FRRS1L: variants seen among roughly 807,000 people sequenced by gnomAD.
FRRS1L encodes DOMON domain-containing protein FRRS1L.
FRRS1L carries 22 observed loss-of-function variants against 28.6 expected under a neutral mutation model. The observed-to-expected ratio is 0.77, with a 90% CI of 0.55 to 1.10. FRRS1L has a LOEUF of 1.10. Among genes scored for constraint, FRRS1L ranks in the 50% least tolerant of loss-of-function variants. The probability of loss-of-function intolerance (pLI) is 0.00; values close to 1 mark genes in which losing one functional copy is unlikely to be tolerated. For missense variants in FRRS1L, 380 were observed against 386.9 expected (o/e 0.98, Z 0.15); for synonymous variants, 158 against 151.4 (o/e 1.04, Z -0.32).
chr9:109,140,067 A>G lies in FRRS1L; in HGVS notation c.709+1276T>C, dbSNP rs146505219. 61 of 152,372 alleles carry G rather than the reference A, an allele frequency of 4.0e-4. 1 individual carries two copies. The highest frequency in any genetic ancestry group is 1.4e-3 in the African/African-American group (58 of 41,582). The allele number at this position is 152,372 out of a possible 1,614,324, so 9.4% of individuals were successfully genotyped here. A position where few individuals can be genotyped will look rare whatever the true frequency, so the allele number is the denominator to read the frequency against. On this transcript the variant is annotated intron_variant, in intron 4 of 4. Coordinates refer to ENST00000561981, the MANE Select transcript of FRRS1L (RefSeq NM_014334.4). ...AGCAGTCTCTAAAAGGTCTCATGAT[A>G]TCCTTGGGTCTTTGCTGGGCAAATG...
Position 109,161,749 on chromosome 9 carries a change from C to A in FRRS1L, c.238+5152G>T, listed in dbSNP as rs1423138269. Among the ~76,000 whole-genome samples, 13 of 152,244 alleles carry A rather than the reference C, an allele frequency of 8.5e-5. No individual in the cohort carries two copies. In the East Asian group the frequency reaches 2.3e-3, roughly 27 times the overall value. On this transcript the variant is annotated intron_variant, in intron 1 of 4. Coordinates refer to ENST00000561981, the MANE Select transcript of FRRS1L (RefSeq NM_014334.4). ...TAGCTATTAATTTAGTACTTGATTC[C>A]TTGAAGTTTAAGTTTTAATTGTCTG...
Position 109,167,234 on chromosome 9 carries a change from G to C in FRRS1L, c.-96C>G, listed in dbSNP as rs542485399. The C allele has an allele frequency of 7.3e-6, 10 of 1,375,262 alleles. No homozygotes were observed. In the East Asian group the frequency reaches 2.6e-4, roughly 35 times the overall value. The allele number at this position is 1,375,262 out of a possible 1,614,324, so 85.2% of individuals were successfully genotyped here. ...GAGCCTCCGCCGAGGCCACCAGCAC[G>C]CGCCCGCGCAGCCGCGGAGCCTCCC... On this transcript the variant is annotated 5_prime_UTR_variant, in exon 1 of 5. Coordinates refer to ENST00000561981, the MANE Select transcript of FRRS1L (RefSeq NM_014334.4).
At chr9:109,159,765 G>A (rs1831458247) in intron 1 of FRRS1L, among the ~76,000 whole-genome samples, 1 of 152,160 alleles carries the variant, frequency 6.6e-6, no homozygotes, top group Admixed American at 6.5e-5. Flanking sequence ...GGCCTGAAGA[G>A]AACAAAAAGA....
rs529952918 is a variant in FRRS1L, at chr9:109,145,746, G to A, written c.462+1305C>T. Among the ~76,000 whole-genome samples the A allele has an allele frequency of 2.9e-4, 44 of 151,634 alleles. 1 individual carries two copies. Among genetic ancestry groups the A allele is most frequent in the Middle Eastern group, 3.4e-3 (1 of 290 alleles). Reference sequence around the variant, plus strand: ...AAAAAAACCCAAAAGGACAGGGTTCGGATGAGCTTCTGGATTGCTGAACAG... The same window carrying A: ...AAAAAAACCCAAAAGGACAGGGTTCAGATGAGCTTCTGGATTGCTGAACAG... On this transcript the variant is annotated intron_variant, in intron 3 of 4. Coordinates refer to ENST00000561981, the MANE Select transcript of FRRS1L (RefSeq NM_014334.4).
chr9:109,133,147 A>G lies in FRRS1L; in HGVS notation c.*4308T>C, dbSNP rs944692276. Reference sequence around the variant, plus strand: ...GCATTCTATCTGAAATCATGTTTATATATTCACCTTTTGACTCAGCGGAGC... The same window carrying G: ...GCATTCTATCTGAAATCATGTTTATGTATTCACCTTTTGACTCAGCGGAGC... On this transcript the variant is annotated 3_prime_UTR_variant, in exon 5 of 5. Transcript: ENST00000561981. 1.3e-5 allele frequency: 2 copies of G among 152,242 alleles called. No individual in the cohort carries two copies. The highest frequency in any genetic ancestry group is 4.8e-5 in the African/African-American group (2 of 41,466). 9.4% of individuals were successfully genotyped at this position (152,242 alleles called of 1,614,324 possible).
chr9:109,152,472 G>A (rs918274415), intron 1 of FRRS1L, among the ~76,000 whole-genome samples: 4 of 151,666 alleles, frequency 2.6e-5, no homozygotes, highest in African/African-American at 9.7e-5. Context: ...AAACTGGCCT[G>A]AGAAGTAATA....
chr9:109,141,604 G>T lies in FRRS1L; in HGVS notation c.463-15C>A, dbSNP rs949092498. ...TCATCACCACCCTAACATGAGAAAT[G>T]ATTGAGAAAAAAAAAAGTCAAAGGT... On this transcript the variant is annotated splice_polypyrimidine_tract_variant and intron_variant, in intron 3 of 4. Coordinates refer to ENST00000561981, the MANE Select transcript of FRRS1L (RefSeq NM_014334.4). 2.0e-5 allele frequency: 31 copies of T among 1,573,980 alleles called. No homozygotes were observed. The highest frequency in any genetic ancestry group is 2.6e-5 in the Non-Finnish European group (30 of 1,161,666).
At chr9:109,147,275 C>T (rs956831171) in intron 2 of FRRS1L, 86 bp from the exon 3 acceptor site, 5 of 1,123,606 alleles carry the variant, frequency 4.4e-6, no homozygotes, top group Admixed American at 2.0e-5. Context: ...ATGTGGGATG[C>T]TAAGCAATAT....
rs1348709925 is a variant in FRRS1L at position 109,141,551 on chromosome 9, A to C, written c.501T>G (p.Asn167Lys). ...AGAAGTGCTGTATGCGGACCCTGCC[A>C]TTGTCATCATGGACGCAGGCCATGA... The part of the protein sequence containing the change: ...DDVMACVHDD[N>K]GRVRIQHFYN... The change falls in exon 4 of 5, where the codon AAT (asparagine) becomes AAG (lysine). Residue 167 changes from asparagine (N) to lysine (K), a missense_variant. By Grantham distance (94) the Asn-to-Lys change is moderately conservative (BLOSUM62 0). Coordinates refer to ENST00000561981, the MANE Select transcript of FRRS1L (RefSeq NM_014334.4). The C allele has an allele frequency of 6.2e-7, 1 of 1,613,950 alleles. No individual in the cohort carries two copies. The highest frequency in any genetic ancestry group is 1.3e-5 in the African/African-American group (1 of 74,888).
chr9:109,138,782 C>G (rs1282243892), intron 4 of FRRS1L: 1 of 152,414 alleles, frequency 6.6e-6, no homozygotes, highest in Non-Finnish European at 1.5e-5. Context: ...CTCAACTTAA[C>G]TATGCGCCTA....
chr9:109,145,073 A>G (rs938092350), intron 3 of FRRS1L, among the ~76,000 whole-genome samples: 1 of 152,214 alleles, frequency 6.6e-6, no homozygotes, highest in Non-Finnish European at 1.5e-5. Flanking sequence ...GGTGAAGAGA[A>G]GGGCGGGGTG....
At chr9:109,145,079 G>A (rs1442465420) in intron 3 of FRRS1L, among the ~76,000 whole-genome samples, 1 of 152,204 alleles carries the variant, frequency 6.6e-6, no homozygotes, top group Non-Finnish European at 1.5e-5. Context: ...GAGAAGGGCG[G>A]GGTGCTCTAG....
chr9:109,160,417 T>C (rs1180821773), intron 1 of FRRS1L, among the ~76,000 whole-genome samples: 1 of 149,112 alleles, frequency 6.7e-6, no homozygotes, highest in Admixed American at 6.8e-5. Flanking sequence ...ATTCCTTTTA[T>C]TTATTTATTT....
intron 1 of FRRS1L, among the ~76,000 whole-genome samples, chr9:109,156,338 C>A (rs939356512): frequency 6.6e-6 from 1 of 152,040 alleles, no homozygotes; most frequent in African/African-American, 2.4e-5. Flanking sequence ...TTATTTCCAC[C>A]CAGATCTGTT....
intron 1 of FRRS1L, among the ~76,000 whole-genome samples, chr9:109,164,920 T>A (rs1359714018): frequency 6.6e-6 from 1 of 152,236 alleles, no homozygotes; most frequent in Non-Finnish European, 1.5e-5. Context: ...CTGTCCTTGA[T>A]GGCTGTGGCC....
At chr9:109,154,774 C>T (rs1831382401) in intron 1 of FRRS1L, among the ~76,000 whole-genome samples, 1 of 152,156 alleles carries the variant, frequency 6.6e-6, no homozygotes, top group Admixed American at 6.5e-5. Context: ...AAAATGAACA[C>T]TCTGACACAT....
In FRRS1L at chr9:109,149,439, C is replaced by T. The variant is rs529529348; in HGVS notation, c.323+197G>A. Among the ~76,000 whole-genome samples, 103 of 152,174 alleles carry T rather than the reference C, an allele frequency of 6.8e-4. 3 individuals carry two copies. The South Asian group carries it at 0.021, about 31-fold the overall frequency. ...GAAAAGAACCATGGAAGAATGGTCC[C>T]GGGCCCAGGACATACTAAAGTTAAA... On this transcript the variant is annotated intron_variant, in intron 2 of 4. Transcript: ENST00000561981.
At chr9:109,154,039 G>A (rs1486326496) in intron 1 of FRRS1L, among the ~76,000 whole-genome samples, 1 of 152,052 alleles carries the variant, frequency 6.6e-6, no homozygotes, top group African/African-American at 2.4e-5. Context: ...GTTCCAATAA[G>A]CAAGTTCTCA....
intron 1 of FRRS1L, among the ~76,000 whole-genome samples, chr9:109,159,002 A>G (rs1017017275): frequency 2.0e-5 from 3 of 152,220 alleles, no homozygotes; most frequent in African/African-American, 4.8e-5. Flanking sequence ...AAAAAAATCA[A>G]CCATCCTAGT....
Sources: allele counts gnomAD v4.1 joint callset (sites outside exome capture counted in the v4.1 genomes callset), GRCh38; gene constraint gnomAD v4.1.1; transcripts MANE v1.5; gene names NCBI Gene and HGNC (gene_info 2026-07-23, HGNC 2026-07-21).